CNKSR3: variants seen among roughly 807,000 people sequenced by gnomAD.
CNKSR3 encodes the protein CNKSR family member 3.
CNKSR3 carries 36 observed loss-of-function variants against 67.7 expected under a neutral mutation model. The observed-to-expected ratio is 0.53, with a 90% CI of 0.41 to 0.70. CNKSR3 has a LOEUF of 0.70. Ranked by LOEUF, CNKSR3 falls within the 30% of genes least tolerant of loss-of-function variation. The pLI, the probability that CNKSR3 is intolerant of heterozygous loss-of-function variation, is 0.00. For synonymous variants in CNKSR3, 281 were observed against 271.4 expected (o/e 1.04, Z -0.35); for missense variants, 630 against 695.2 (o/e 0.91, Z 1.05).
intron 12 of CNKSR3, among the ~76,000 whole-genome samples, chr6:154,409,922 C>CTGT (rs1784874130): frequency 6.6e-6 from 1 of 150,966 alleles, no homozygotes; most frequent in Non-Finnish European, 1.5e-5. Context: ...TGGCGTGCAC[C>CTGT]TGTAGTCCCT....
chr6:154,417,203 C>A (rs1785042491), intron 9 of CNKSR3, among the ~76,000 whole-genome samples: 1 of 152,208 alleles, frequency 6.6e-6, no homozygotes, highest in Non-Finnish European at 1.5e-5. Flanking sequence ...TTCTCCCTAG[C>A]CTTGCTGGCC....
At chr6:154,469,542 C>T (rs967722431) in intron 1 of CNKSR3, among the ~76,000 whole-genome samples, 26 of 152,170 alleles carry the variant, frequency 1.7e-4, no homozygotes, top group Admixed American at 1.5e-3. Flanking sequence ...GGGACGATGA[C>T]ACCAGTCCCA....
At position 154,418,151 on chromosome 6, in the gene CNKSR3, C is replaced by G. The variant is rs987315433; in HGVS notation, c.946-3728G>C. On this transcript the variant is annotated intron_variant, in intron 9 of 12. Coordinates refer to ENST00000607772, the MANE Select transcript of CNKSR3 (RefSeq NM_173515.4). ...TCTCAGAAGAATGGCCCTCAGCTGA[C>G]GGAGCTGCCTCGCCCGAGCAGGGCC... Among the ~76,000 whole-genome samples, 17 of 152,294 alleles carry G rather than the reference C, an allele frequency of 1.1e-4. 3 individuals carry two copies. Among genetic ancestry groups the G allele is most frequent in the Admixed American group, 2.6e-4 (4 of 15,300 alleles).
intron 12 of CNKSR3, among the ~76,000 whole-genome samples, chr6:154,407,389 T>C (rs917603197): frequency 2.0e-5 from 3 of 152,166 alleles, no homozygotes; most frequent in African/African-American, 7.2e-5. Context: ...AATAGAAACT[T>C]AAAATACAGT....
chr6:154,433,864 G>A (rs1263276184), intron 4 of CNKSR3: 6 of 173,910 alleles, frequency 3.5e-5, no homozygotes, highest in Admixed American at 6.3e-5. Context: ...ACCTGACGAC[G>A]GCTCCCAATG....
intron 1 of CNKSR3, among the ~76,000 whole-genome samples, chr6:154,495,112 C>T (rs1786851055): frequency 6.6e-6 from 1 of 152,164 alleles, no homozygotes; most frequent in Non-Finnish European, 1.5e-5. Context: ...ACTAACACTG[C>T]CCTATTCTAA....
intron 1 of CNKSR3, among the ~76,000 whole-genome samples, chr6:154,467,081 T>C (rs1786218672): frequency 6.6e-6 from 1 of 152,108 alleles, no homozygotes; most frequent in African/African-American, 2.4e-5. Context: ...TGTTTCCAGT[T>C]AGAGCCCTCA....
At position 154,401,554 on chromosome 6, in the gene CNKSR3, A is replaced by G. The variant is rs936411921; in HGVS notation, c.*4800T>C. 1 of 152,260 alleles carries G rather than the reference A, an allele frequency of 6.6e-6. No homozygotes were observed. The highest frequency in any genetic ancestry group is 1.5e-5 in the Non-Finnish European group (1 of 68,044). The allele number at this position is 152,260 out of a possible 1,614,324, so 9.4% of individuals were successfully genotyped here. On this transcript the variant is annotated 3_prime_UTR_variant, in exon 13 of 13. Coordinates refer to ENST00000607772, the MANE Select transcript of CNKSR3 (RefSeq NM_173515.4). The stretch of plus-strand genomic sequence containing the variant: ...TGATTAAGACACAGAGTAACTCACA[A>G]AATAAATAACATCAAGTATCACTGG...
intron 7 of CNKSR3, among the ~76,000 whole-genome samples, chr6:154,423,989 T>G (rs1056886454): frequency 6.6e-6 from 1 of 152,018 alleles, no homozygotes; most frequent in Non-Finnish European, 1.5e-5. Flanking sequence ...TCCCAGCACT[T>G]TGGGAGGCCC....
intron 1 of CNKSR3, among the ~76,000 whole-genome samples, chr6:154,463,333 A>C (rs1293982851): frequency 2.6e-5 from 4 of 151,864 alleles, no homozygotes; most frequent in Non-Finnish European, 4.4e-5. Context: ...TCGGCCTCCC[A>C]AAGTGCTAGG....
chr6:154,390,525 T>G lies in CNKSR3; in HGVS notation c.*15829A>C, dbSNP rs1784592829. On this transcript the variant is annotated 3_prime_UTR_variant, in exon 13 of 13. Coordinates refer to ENST00000607772, the MANE Select transcript of CNKSR3 (RefSeq NM_173515.4). Reference sequence around the variant, plus strand: ...AGGCTCCCAGAGGATAAATTTCTTCTTCCCTTCCTCTCGTCTCTGGACTAT... The same window carrying G: ...AGGCTCCCAGAGGATAAATTTCTTCGTCCCTTCCTCTCGTCTCTGGACTAT... The G allele has an allele frequency of 6.6e-6, 1 of 152,244 alleles. No individual in the cohort carries two copies. The highest frequency in any genetic ancestry group is 1.5e-5 in the Non-Finnish European group (1 of 68,050). The allele number at this position is 152,244 out of a possible 1,614,324, so 9.4% of individuals were successfully genotyped here.
chr6:154,472,180 C>A (rs1332158942), intron 1 of CNKSR3, among the ~76,000 whole-genome samples: 1 of 152,106 alleles, frequency 6.6e-6, no homozygotes, highest in Non-Finnish European at 1.5e-5. Context: ...TTAAAAAAAA[C>A]ACACACACAA....
chr6:154,464,610 G>A (rs1786153427), intron 1 of CNKSR3, among the ~76,000 whole-genome samples: 1 of 151,850 alleles, frequency 6.6e-6, no homozygotes, highest in Admixed American at 6.6e-5. Flanking sequence ...CAGCTACTCG[G>A]GAGGCTGAGG....
chr6:154,396,833 T>C lies in CNKSR3; in HGVS notation c.*9521A>G, dbSNP rs1784665735. On this transcript the variant is annotated 3_prime_UTR_variant, in exon 13 of 13. Coordinates refer to ENST00000607772, the MANE Select transcript of CNKSR3 (RefSeq NM_173515.4). ...TTTTTTTTTTGAGACGGAGTCTCGC[T>C]CTGTCTCCCAGGCTGGAGTGCAGTG... 1 of 150,814 alleles carries C rather than the reference T, an allele frequency of 6.6e-6. No homozygotes were observed. The highest frequency in any genetic ancestry group is 2.0e-4 in the East Asian group (1 of 5,118). The allele number at this position is 150,814 out of a possible 1,614,324, so 9.3% of individuals were successfully genotyped here.
chr6:154,390,108 A>T lies in CNKSR3; in HGVS notation c.*16246T>A, dbSNP rs754630988. ...AATAAAAGGAACACCCCATGTACCC[A>T]TTATCCTAACCAAGAACTAGAATAT... On this transcript the variant is annotated 3_prime_UTR_variant, in exon 13 of 13. Coordinates refer to ENST00000607772, the MANE Select transcript of CNKSR3 (RefSeq NM_173515.4). The T allele has an allele frequency of 6.6e-6, 1 of 152,182 alleles. No individual in the cohort carries two copies. Among genetic ancestry groups the T allele is most frequent in the African/African-American group, 2.4e-5 (1 of 41,452 alleles). The allele number at this position is 152,182 out of a possible 1,614,324, so 9.4% of individuals were successfully genotyped here. A position where few individuals can be genotyped will look rare whatever the true frequency, so the allele number is the denominator to read the frequency against.
At chr6:154,422,451 G>C (rs1457108107) in intron 9 of CNKSR3, 55 bp downstream of exon 9, 1 of 1,523,840 alleles carries the variant, frequency 6.6e-7, no homozygotes, top group Non-Finnish European at 9.0e-7. Flanking sequence ...TTTGTTTGGA[G>C]ACTAATGAGA....
At chr6:154,486,020 A>G (rs993421040) in intron 1 of CNKSR3, among the ~76,000 whole-genome samples, 2 of 152,116 alleles carry the variant, frequency 1.3e-5, no homozygotes, top group Non-Finnish European at 2.9e-5. Context: ...TGCCACACCC[A>G]CCAGTTATCA....
At chr6:154,428,053 T>C in intron 7 of CNKSR3, 75 bp downstream of exon 7, 1 of 983,064 alleles carries the variant, frequency 1.0e-6, no homozygotes, top group South Asian at 1.4e-5. Context: ...CACGTTTAAA[T>C]TCAAAGTATA....
chr6:154,472,871 G>GTTCCCTGC (rs1158911892), intron 1 of CNKSR3, among the ~76,000 whole-genome samples: 1 of 151,174 alleles, frequency 6.6e-6, no homozygotes, highest in Non-Finnish European at 1.5e-5. Context: ...ACTTTCTAGA[G>GTTCCCTGC]TTCCCTGCTA....
Sources: allele counts gnomAD v4.1 joint callset (sites outside exome capture counted in the v4.1 genomes callset), GRCh38; gene constraint gnomAD v4.1.1; transcripts MANE v1.5; gene names NCBI Gene and HGNC (gene_info 2026-07-23, HGNC 2026-07-21).